The following ST6GALNAC3 variants were observed in gnomAD, a reference collection of about 807,000 sequenced individuals.
ST6GALNAC3 encodes the protein ST6 N-acetylgalactosaminide alpha-2,6-sialyltransferase 3, also known as alpha-N-acetylgalactosaminide alpha-2,6-sialyltransferase 3.
In ST6GALNAC3, 25 loss-of-function variants were observed where a neutral mutation model predicts 32.7. The observed-to-expected ratio is 0.76, with a 90% CI of 0.56 to 1.07. The LOEUF (loss-of-function observed/expected upper bound fraction) is 1.07. Among genes scored for constraint, ST6GALNAC3 ranks in the 50% least tolerant of loss-of-function variants. The pLI, the probability that ST6GALNAC3 is intolerant of heterozygous loss-of-function variation, is 0.00. For synonymous variants in ST6GALNAC3, 129 were observed against 133.1 expected, an observed-to-expected ratio of 0.97 and a Z score of 0.21; for missense variants, 355 against 382.4, an observed-to-expected ratio of 0.93 and a Z score of 0.60.
rs576700230 is a variant in ST6GALNAC3 at position 76,364,169 on chromosome 1, A to T, written c.214-47839A>T. Among the ~76,000 whole-genome samples the T allele has an allele frequency of 3.9e-5, 6 of 152,372 alleles. No homozygotes were observed. The South Asian group carries it at 1.2e-3, about 32-fold the overall frequency. On this transcript the variant is annotated intron_variant, in intron 2 of 4. Transcript: ENST00000328299. ...AGATTTGTTTGGCAGATTGGTGAAT[A>T]GGCAATGGAAGTGAATGACTCTTTA...
chr1:76,434,966 T>G (rs1392530773), intron 3 of ST6GALNAC3, among the ~76,000 whole-genome samples: 1 of 151,948 alleles, frequency 6.6e-6, no homozygotes, highest in Non-Finnish European at 1.5e-5. Flanking sequence ...AATTTTTGTA[T>G]TTTTAGCAGA....
At position 76,539,582 on chromosome 1, in the gene ST6GALNAC3, C is replaced by A. The variant is rs184440963; in HGVS notation, c.624-87870C>A. On this transcript the variant is annotated intron_variant, in intron 3 of 4. Coordinates refer to ENST00000328299, the MANE Select transcript of ST6GALNAC3 (RefSeq NM_152996.4). Reference sequence around the variant, plus strand: ...ACTATTGTCAGCGTGAACAGGCAACCTGCACCATGGGAGAAAATTTTTGCA... The same window carrying A: ...ACTATTGTCAGCGTGAACAGGCAACATGCACCATGGGAGAAAATTTTTGCA... Among the ~76,000 whole-genome samples the A allele has an allele frequency of 2.0e-4, 31 of 152,148 alleles. No individual in the cohort carries two copies. In the East Asian group the frequency reaches 5.8e-3, roughly 28 times the overall value.
At chr1:76,201,566 CTGTT>C (rs1238063127) in intron 1 of ST6GALNAC3, among the ~76,000 whole-genome samples, 1 of 152,020 alleles carries the variant, frequency 6.6e-6, no homozygotes, top group Non-Finnish European at 1.5e-5. Context: ...CTGATGACAA[CTGTT>C]TGCAGTCTTC....
intron 3 of ST6GALNAC3, among the ~76,000 whole-genome samples, chr1:76,528,717 TG>T (rs1000579524): frequency 3.3e-5 from 5 of 151,818 alleles, no homozygotes; most frequent in African/African-American, 1.2e-4. Context: ...TCAGCATCCA[TG>T]CCTGAAGTGA....
intron 1 of ST6GALNAC3, among the ~76,000 whole-genome samples, chr1:76,081,297 A>T (rs1488911129): frequency 1.6e-5 from 1 of 61,324 alleles, no homozygotes; most frequent in Non-Finnish European, 4.5e-5. Context: ...AAAAAAAAAA[A>T]AAAAAAAAGC....
At chr1:76,209,683 T>A (rs939677289) in intron 1 of ST6GALNAC3, among the ~76,000 whole-genome samples, 1 of 152,154 alleles carries the variant, frequency 6.6e-6, no homozygotes, top group Admixed American at 6.5e-5. Context: ...CAACAGTTGT[T>A]TAAAAGTTAT....
At chr1:76,150,301 A>G (rs187550363) in intron 1 of ST6GALNAC3, among the ~76,000 whole-genome samples, 3 of 152,246 alleles carry the variant, frequency 2.0e-5, no homozygotes, top group Admixed American at 6.5e-5. Flanking sequence ...GTTGACTTCA[A>G]CTTTCCTCTT....
intron 1 of ST6GALNAC3, among the ~76,000 whole-genome samples, chr1:76,309,594 G>T (rs1476534301): frequency 6.6e-6 from 1 of 152,152 alleles, no homozygotes; most frequent in East Asian, 1.9e-4. Flanking sequence ...GTCATCTGGA[G>T]CACACAGTGT....
At chr1:76,175,660 G>A (rs557876088) in intron 1 of ST6GALNAC3, among the ~76,000 whole-genome samples, 1 of 152,054 alleles carries the variant, frequency 6.6e-6, no homozygotes, top group South Asian at 2.1e-4. Flanking sequence ...GAGAAACAAA[G>A]AAATCAAATA....
At chr1:76,428,122 C>T (rs1254446525) in intron 3 of ST6GALNAC3, among the ~76,000 whole-genome samples, 1 of 152,022 alleles carries the variant, frequency 6.6e-6, no homozygotes, top group Non-Finnish European at 1.5e-5. Flanking sequence ...AATCACACTG[C>T]CCTTTTCCTT....
At chr1:76,450,123 C>A (rs1657285665) in intron 3 of ST6GALNAC3, among the ~76,000 whole-genome samples, 1 of 152,134 alleles carries the variant, frequency 6.6e-6, no homozygotes, top group Non-Finnish European at 1.5e-5. Context: ...AATGGTAGTT[C>A]TACTTTTAGT....
intron 2 of ST6GALNAC3, among the ~76,000 whole-genome samples, chr1:76,348,355 G>C (rs2101013994): frequency 6.6e-6 from 1 of 152,230 alleles, no homozygotes; most frequent in East Asian, 1.9e-4. Flanking sequence ...CCAGTAACTT[G>C]TACATTCTGA....
At chr1:76,123,736 C>A (rs796918102) in intron 1 of ST6GALNAC3, among the ~76,000 whole-genome samples, 2 of 150,286 alleles carry the variant, frequency 1.3e-5, no homozygotes, top group African/African-American at 4.9e-5. Context: ...CAGGCCCAGG[C>A]CTACTCATTT....
chr1:76,530,764 T>C lies in ST6GALNAC3; in HGVS notation c.624-96688T>C, dbSNP rs1452125924. On this transcript the variant is annotated intron_variant, in intron 3 of 4. Transcript: ENST00000328299. The stretch of plus-strand genomic sequence containing the variant: ...ATTTCGTGGATAAGGGAATTGAGGC[T>C]TAGAGAGATTAAGTGACTTGCTCAT... Among the ~76,000 whole-genome samples the C allele has an allele frequency of 3.9e-5, 6 of 152,254 alleles. No homozygotes were observed. In the East Asian group the frequency reaches 1.2e-3, roughly 29 times the overall value.
chr1:76,120,277 A>G (rs1648785277), intron 1 of ST6GALNAC3, among the ~76,000 whole-genome samples: 1 of 152,188 alleles, frequency 6.6e-6, no homozygotes, highest in African/African-American at 2.4e-5. Flanking sequence ...TATTAATTGG[A>G]TGTGTCCAGA....
chr1:76,441,088 C>CAAAAAA (rs397980569), intron 3 of ST6GALNAC3, among the ~76,000 whole-genome samples: 59 of 90,200 alleles, frequency 6.5e-4, no homozygotes, highest in South Asian at 1.8e-3. Context: ...ACTATGTCTC[C>CAAAAAA]AAAAAAAAAA....
chr1:76,323,418 C>T (rs1299327639), intron 2 of ST6GALNAC3, among the ~76,000 whole-genome samples: 1 of 152,008 alleles, frequency 6.6e-6, no homozygotes, highest in Non-Finnish European at 1.5e-5. Flanking sequence ...TTTTCAAGGC[C>T]CCCAAAGTAT....
chr1:76,279,631 A>C (rs143595156), intron 1 of ST6GALNAC3, among the ~76,000 whole-genome samples: 18 of 152,288 alleles, frequency 1.2e-4, no homozygotes, highest in African/African-American at 4.1e-4. Context: ...TCAGAGCTGC[A>C]GTGCCTGGAG....
chr1:76,415,356 T>A (rs544003291), intron 3 of ST6GALNAC3, among the ~76,000 whole-genome samples: 1 of 151,978 alleles, frequency 6.6e-6, no homozygotes, highest in East Asian at 1.9e-4. Flanking sequence ...AGCTGATATA[T>A]TTTATTAAGA....
Sources: gnomAD v4.1 joint callset for allele counts (sites outside exome capture counted in the v4.1 genomes callset) on GRCh38, gnomAD v4.1.1 for gene constraint, MANE v1.5 for transcripts, NCBI Gene and HGNC (gene_info 2026-07-23, HGNC 2026-07-21) for gene names.